Variants in GNA12 observed in about 807,000 individuals in gnomAD.
GNA12 encodes the protein guanine nucleotide-binding protein subunit alpha-12.
A neutral mutation model predicts 26.0 loss-of-function variants in GNA12; 9 were observed. That is an observed-to-expected ratio of 0.35 (90% CI 0.21 to 0.60). The LOEUF (loss-of-function observed/expected upper bound fraction) is 0.60, where lower values mean the gene tolerates loss of function less well. Ranked by LOEUF, GNA12 falls within the 20% of genes least tolerant of loss-of-function variation. The pLI is 0.78. For synonymous variants in GNA12, 264 were observed against 219.6 expected (o/e 1.20, Z -1.79); for missense variants, 405 against 525.8 (o/e 0.77, Z 2.25).
At chr7:2,743,880 C>T (rs1261354095) in intron 2 of GNA12, among the ~76,000 whole-genome samples, 2 of 152,056 alleles carry the variant, frequency 1.3e-5, no homozygotes, top group African/African-American at 2.4e-5. Context: ...ACATCCCGCA[C>T]CTGGCTCGGA....
At chr7:2,762,456 G>A (rs1332192987) in intron 2 of GNA12, 1 of 555,592 alleles carries the variant, frequency 1.8e-6, no homozygotes, top group Non-Finnish European at 3.0e-6. Flanking sequence ...TAACTCCAAA[G>A]TCCAGCCTCT....
At chr7:2,830,823 C>G (rs918581806) in intron 1 of GNA12, among the ~76,000 whole-genome samples, 5 of 152,114 alleles carry the variant, frequency 3.3e-5, no homozygotes, top group African/African-American at 1.2e-4. Flanking sequence ...GCACCTGTGT[C>G]CTAGCTACCC....
chr7:2,741,927 A>C lies in GNA12; in HGVS notation c.526-8426T>G, dbSNP rs371145899. On this transcript the variant is annotated intron_variant, in intron 2 of 3. Coordinates refer to ENST00000275364, the MANE Select transcript of GNA12 (RefSeq NM_007353.3). ...ATATATACAGATACAGCATTATAAG[A>C]CCATTTCCCTCCTCTAGCACAGAAT... 2.7e-4 allele frequency among the ~76,000 whole-genome samples: 41 copies of C among 151,620 alleles called. No individual in the cohort carries two copies. In the East Asian group the frequency reaches 3.1e-3, roughly 11 times the overall value.
At chr7:2,749,152 C>T (rs1583231868) in intron 2 of GNA12, among the ~76,000 whole-genome samples, 1 of 152,008 alleles carries the variant, frequency 6.6e-6, no homozygotes, top group East Asian at 1.9e-4. Flanking sequence ...CCAGCCATCC[C>T]ATTACTGGGT....
intron 2 of GNA12, chr7:2,762,776 G>A: frequency 6.5e-7 from 1 of 1,546,290 alleles, no homozygotes; most frequent in Non-Finnish European, 8.7e-7. Flanking sequence ...TTCCACCCAG[G>A]CTGTACAAAA....
intron 1 of GNA12, among the ~76,000 whole-genome samples, chr7:2,839,756 T>G (rs1003942532): frequency 2.6e-5 from 4 of 152,152 alleles, no homozygotes; most frequent in Admixed American, 1.3e-4. Flanking sequence ...CATCTGGCAC[T>G]TTGGGAGGCC....
chr7:2,745,426 A>C (rs867458800), intron 2 of GNA12, among the ~76,000 whole-genome samples: 3 of 152,238 alleles, frequency 2.0e-5, no homozygotes, highest in Non-Finnish European at 4.4e-5. Context: ...ACTAAGCTTC[A>C]TAAGTGAAGG....
intron 2 of GNA12, among the ~76,000 whole-genome samples, chr7:2,787,477 G>T (rs866858927): frequency 6.6e-6 from 1 of 152,176 alleles, no homozygotes; most frequent in Non-Finnish European, 1.5e-5. Flanking sequence ...TCTGGAGCAC[G>T]AAGCCTGCTC....
At chr7:2,815,504 C>T (rs1453765543) in intron 1 of GNA12, among the ~76,000 whole-genome samples, 1 of 152,220 alleles carries the variant, frequency 6.6e-6, no homozygotes, top group African/African-American at 2.4e-5. Context: ...CTGCAGGCAG[C>T]CATATGCCTC....
At position 2,734,780 on chromosome 7, in the gene GNA12, C is replaced by T. The variant is rs549972519; in HGVS notation, c.526-1279G>A. 3.3e-5 allele frequency among the ~76,000 whole-genome samples: 5 copies of T among 152,328 alleles called. No individual in the cohort carries two copies. In the South Asian group the frequency reaches 8.3e-4, roughly 25 times the overall value. ...CCATCCCAGCACTGCCTGTGTTGAG[C>T]GAGCACACATCCTCCTCCTCTGTGG... On this transcript the variant is annotated intron_variant, in intron 2 of 3. Transcript: ENST00000275364.
rs1789996691 is a variant in GNA12, at chr7:2,733,363, A to G, written c.576+88T>C. Reference sequence around the variant, plus strand: ...ACAAGCTCGGCCTGTCAGTCCAGCCAAAGTCCTCACAACGTGGACTGCTTT... The same window carrying G: ...ACAAGCTCGGCCTGTCAGTCCAGCCGAAGTCCTCACAACGTGGACTGCTTT... On this transcript the variant is annotated intron_variant, in intron 3 of 3. Coordinates refer to ENST00000275364, the MANE Select transcript of GNA12 (RefSeq NM_007353.3). 13 of 1,074,714 alleles carry G rather than the reference A, an allele frequency of 1.2e-5. No homozygotes were observed. In the South Asian group the frequency reaches 1.6e-4, roughly 13 times the overall value. 66.6% of individuals were successfully genotyped at this position (1,074,714 alleles called of 1,614,324 possible).
At position 2,785,008 on chromosome 7, in the gene GNA12, A is replaced by T. The variant is rs111366099; in HGVS notation, c.525+9920T>A. On this transcript the variant is annotated intron_variant, in intron 2 of 3. Coordinates refer to ENST00000275364, the MANE Select transcript of GNA12 (RefSeq NM_007353.3). ...CTTAAGGATCTATGTTAAAATACTT[A>T]ACACTTCATTTTTTTCCCCTAGAGG... Among the ~76,000 whole-genome samples, 740 of 152,332 alleles carry T rather than the reference A, an allele frequency of 4.9e-3. 4 individuals are homozygous for T. Among genetic ancestry groups the T allele is most frequent in the African/African-American group, 0.016 (679 of 41,558 alleles).
intron 2 of GNA12, among the ~76,000 whole-genome samples, chr7:2,741,200 C>T (rs924592787): frequency 6.6e-6 from 1 of 152,124 alleles, no homozygotes; most frequent in South Asian, 2.1e-4. Context: ...AGATAAAAAG[C>T]ACCTAGACTA....
intron 2 of GNA12, among the ~76,000 whole-genome samples, chr7:2,774,073 G>C (rs913636325): frequency 6.6e-6 from 1 of 152,184 alleles, no homozygotes; most frequent in African/African-American, 2.4e-5. Context: ...CTACAGAACA[G>C]CTGGTGTTCA....
At chr7:2,818,682 G>A (rs568613666) in intron 1 of GNA12, among the ~76,000 whole-genome samples, 2 of 151,662 alleles carry the variant, frequency 1.3e-5, no homozygotes, top group African/African-American at 4.9e-5. Flanking sequence ...AGAATTGCCT[G>A]AGCCCAGGAG....
At chr7:2,828,581 G>A (rs1237844645) in intron 1 of GNA12, among the ~76,000 whole-genome samples, 1 of 152,198 alleles carries the variant, frequency 6.6e-6, no homozygotes, top group Admixed American at 6.5e-5. Flanking sequence ...CTACCAAGCT[G>A]GCTGCAGGTG....
chr7:2,802,271 C>G (rs1481185024), intron 1 of GNA12, among the ~76,000 whole-genome samples: 4 of 151,438 alleles, frequency 2.6e-5, no homozygotes, highest in Non-Finnish European at 5.9e-5. Context: ...GACTTCATCT[C>G]AATACAATGT....
chr7:2,827,043 G>A lies in GNA12; in HGVS notation c.309+16810C>T, dbSNP rs192794204. 2.0e-3 allele frequency among the ~76,000 whole-genome samples: 297 copies of A among 152,282 alleles called. 3 individuals are homozygous for A. In the Middle Eastern group the frequency reaches 0.034, roughly 17 times the overall value. Reference sequence around the variant, plus strand: ...TGTGGGGGAGGCAGGCAGTATGTGGGAAATCTGTATTTTCTGCTCAGTTTT... The same window carrying A: ...TGTGGGGGAGGCAGGCAGTATGTGGAAAATCTGTATTTTCTGCTCAGTTTT... On this transcript the variant is annotated intron_variant, in intron 1 of 3. Transcript: ENST00000275364.
At chr7:2,743,602 A>G (rs758688529) in intron 2 of GNA12, among the ~76,000 whole-genome samples, 21 of 152,326 alleles carry the variant, frequency 1.4e-4, no homozygotes, top group Admixed American at 2.6e-4. Flanking sequence ...TACAGCTCCC[A>G]GCGTGAGCAA....
Sources: allele counts gnomAD v4.1 joint callset (sites outside exome capture counted in the v4.1 genomes callset), GRCh38; gene constraint gnomAD v4.1.1; transcripts MANE v1.5; gene names NCBI Gene and HGNC (gene_info 2026-07-23, HGNC 2026-07-21).